ANO4: variants seen among roughly 807,000 people sequenced by gnomAD.
ANO4 encodes anoctamin 4.
In ANO4, 69 loss-of-function variants were observed where a neutral mutation model predicts 141.9. The ratio of observed to expected loss-of-function variants is 0.49; its 90% CI spans 0.40 to 0.59. The LOEUF is 0.59. Among genes scored for constraint, ANO4 ranks in the 20% least tolerant of loss-of-function variants. The pLI is 0.00. For synonymous variants in ANO4, 350 were observed against 394.3 expected, an observed-to-expected ratio of 0.89 and a Z score of 1.33; for missense variants, 894 against 1,162.2, an observed-to-expected ratio of 0.77 and a Z score of 3.36.
upstream of ANO4, among the ~76,000 whole-genome samples, chr12:100,789,985 G>A (rs1308371466): frequency 6.6e-6 from 1 of 152,234 alleles, no homozygotes; most frequent in Non-Finnish European, 1.5e-5. Flanking sequence ...AAGCGATTAA[G>A]TAAGTCATTT....
chr12:100,964,694 T>C (rs888506137), intron 5 of ANO4, among the ~76,000 whole-genome samples: 3 of 152,130 alleles, frequency 2.0e-5, no homozygotes, highest in African/African-American at 7.2e-5. Context: ...CCTCAGGGCC[T>C]TTGTCTTCTA....
chr12:100,831,588 C>G (rs938638550), intron 1 of ANO4, among the ~76,000 whole-genome samples: 1 of 152,002 alleles, frequency 6.6e-6, no homozygotes, highest in Non-Finnish European at 1.5e-5. Flanking sequence ...TGTGGTAACA[C>G]AAGGCTGATG....
At position 101,040,031 on chromosome 12, in the gene ANO4, C is replaced by A. The variant is rs1471757002; in HGVS notation, c.974C>A (p.Ala325Asp). The change falls in exon 11 of 28, where the codon GCC becomes GAC. Residue 325 changes from alanine to aspartate, a missense_variant. Transcript: ENST00000392977. Reference sequence around the variant, plus strand: ...CGACATCTACTCTATGAGTGCTGGGCCTCCTGGGGCGTGTGGTATAAATAC... The same window carrying A: ...CGACATCTACTCTATGAGTGCTGGGACTCCTGGGGCGTGTGGTATAAATAC... ...NHRHLLYECW[A>D]SWGVWYKYQP... 1 of 1,613,208 alleles carries A rather than the reference C, an allele frequency of 6.2e-7. No individual in the cohort carries two copies. Among genetic ancestry groups the A allele is most frequent in the East Asian group, 2.2e-5 (1 of 44,864 alleles).
intron 2 of ANO4, 34 bp from the exon 3 acceptor site, chr12:100,922,192 G>C (rs1265176241): frequency 6.8e-7 from 1 of 1,480,256 alleles, no homozygotes; most frequent in South Asian, 1.3e-5. Flanking sequence ...CTGATAACCA[G>C]TGCAAACTCC....
chr12:100,903,564 A>G (rs763778212), intron 2 of ANO4, among the ~76,000 whole-genome samples: 2 of 152,206 alleles, frequency 1.3e-5, no homozygotes, highest in Non-Finnish European at 2.9e-5. Context: ...TAGTGCATCA[A>G]TCAAGGTTCA....
chr12:100,756,145 T>G (rs1289705025), intron 3 of ANO4, among the ~76,000 whole-genome samples: 2 of 152,200 alleles, frequency 1.3e-5, no homozygotes, highest in East Asian at 1.9e-4. Flanking sequence ...TTTAAATGCT[T>G]TATATTATCC....
Position 100,788,024 on chromosome 12 carries a change from G to A in ANO4, c.358+47919G>A, listed in dbSNP as rs752304727. Among the ~76,000 whole-genome samples, 19 of 152,148 alleles carry A rather than the reference G, an allele frequency of 1.2e-4. 1 individual carries two copies. The highest frequency in any genetic ancestry group is 1.8e-4 in the Non-Finnish European group (12 of 68,034). On this transcript the variant is annotated intron_variant, in intron 3 of 29. Coordinates refer to the ANO4 transcript ENST00000644049. ...TGAAAATGCTCTAATTGAAATGACC[G>A]TTAGAAAATAACCTTCATACTTTAT...
chr12:100,791,170 G>C (rs1249957388), upstream of ANO4, among the ~76,000 whole-genome samples: 1 of 152,156 alleles, frequency 6.6e-6, no homozygotes, highest in Admixed American at 6.5e-5. Flanking sequence ...CCTGAGCTCA[G>C]GAGTTCGAGA....
At chr12:100,857,276 A>T (rs1032022058) in intron 1 of ANO4, among the ~76,000 whole-genome samples, 2 of 152,140 alleles carry the variant, frequency 1.3e-5, no homozygotes. Context: ...TAAGTGGACA[A>T]TCTCAAATGT....
chr12:100,935,266 A>G (rs2136151260), intron 3 of ANO4, among the ~76,000 whole-genome samples: 1 of 152,310 alleles, frequency 6.6e-6, no homozygotes, highest in South Asian at 2.1e-4. Context: ...GATACATTCC[A>G]TCAATACCTA....
intron 3 of ANO4, among the ~76,000 whole-genome samples, chr12:100,768,809 A>G (rs2033187016): frequency 1.3e-5 from 2 of 152,226 alleles, no homozygotes. Context: ...TATATTTCCC[A>G]TAGTGAGTTG....
chr12:100,991,482 G>C (rs892718729), intron 8 of ANO4, among the ~76,000 whole-genome samples: 6 of 148,064 alleles, frequency 4.1e-5, no homozygotes, highest in African/African-American at 1.5e-4. Flanking sequence ...TGTTCGTTAG[G>C]GGGTGAGGTG....
chr12:100,819,092 A>G (rs1047938069), intron 1 of ANO4, among the ~76,000 whole-genome samples: 12 of 149,698 alleles, frequency 8.0e-5, no homozygotes, highest in Admixed American at 4.7e-4. Flanking sequence ...TCTATTTTAA[A>G]TAACCTGAGT....
chr12:101,068,951 G>T, intron 14 of ANO4: 1 of 788,360 alleles, frequency 1.3e-6, no homozygotes, highest in Non-Finnish European at 2.3e-6. Context: ...CTCTTACACA[G>T]ATGCACCAAA....
chr12:101,092,635 T>C (rs1318298705), intron 17 of ANO4, among the ~76,000 whole-genome samples: 1 of 152,198 alleles, frequency 6.6e-6, no homozygotes, highest in Non-Finnish European at 1.5e-5. Flanking sequence ...TAGTCACAGA[T>C]GCCATGGATC....
intron 1 of ANO4, among the ~76,000 whole-genome samples, chr12:100,812,409 C>T (rs2135708762): frequency 6.6e-6 from 1 of 152,174 alleles, no homozygotes; most frequent in Admixed American, 6.5e-5. Context: ...GCTCTGTTGC[C>T]TTTCTGGATG....
In ANO4 at chr12:100,947,909, C is replaced by T. The variant is rs1184332432; in HGVS notation, c.456+5374C>T. On this transcript the variant is annotated intron_variant, in intron 5 of 27. Transcript: ENST00000392977. ...GTTAAAGAAGTTAGGAGAGGCAGGG[C>T]ATGGTGGCTCATGCCTATAATCCCA... 3.9e-5 allele frequency among the ~76,000 whole-genome samples: 6 copies of T among 152,036 alleles called. No individual in the cohort carries two copies. The East Asian group carries it at 9.7e-4, about 24-fold the overall frequency.
chr12:100,720,746 T>C (rs1031787637), intron 1 of ANO4, among the ~76,000 whole-genome samples: 2 of 152,142 alleles, frequency 1.3e-5, no homozygotes, highest in South Asian at 2.1e-4. Context: ...ACCTGTAAAC[T>C]GGAGCAAGAA....
At chr12:100,925,815 A>ACATG (rs1385723315) in intron 3 of ANO4, among the ~76,000 whole-genome samples, 3 of 146,680 alleles carry the variant, frequency 2.0e-5, no homozygotes, top group African/African-American at 7.4e-5. Context: ...ACATACATAT[A>ACATG]CATACATACA....
Sources: gnomAD v4.1 joint callset for allele counts (sites outside exome capture counted in the v4.1 genomes callset) on GRCh38, gnomAD v4.1.1 for gene constraint, MANE v1.5 for transcripts, NCBI Gene and HGNC (gene_info 2026-07-23, HGNC 2026-07-21) for gene names.